Variants in PTDSS2 observed in about 807,000 individuals in gnomAD.
PTDSS2 encodes the protein PSS-2.
A neutral mutation model predicts 64.7 loss-of-function variants in PTDSS2; 41 were observed. The observed-to-expected ratio is 0.63, with a 90% CI of 0.49 to 0.82. PTDSS2 has a LOEUF of 0.82. Among genes scored for constraint, PTDSS2 ranks in the 40% least tolerant of loss-of-function variants. The pLI is 0.00. For missense variants in PTDSS2, 485 were observed against 650.0 expected (o/e 0.75, Z 2.76); for synonymous variants, 297 against 277.8 (o/e 1.07, Z -0.69).
At chr11:472,290 T>G (rs1197952105) in intron 2 of PTDSS2, among the ~76,000 whole-genome samples, 1 of 152,320 alleles carries the variant, frequency 6.6e-6, no homozygotes, top group African/African-American at 2.4e-5. Context: ...GTGGGGCCTA[T>G]GTCTGGCTCC....
rs917084238 is a variant in PTDSS2 at position 461,810 on chromosome 11, T to C, written c.284+1522T>C. Among the ~76,000 whole-genome samples, 1 of 151,980 alleles carries C rather than the reference T, an allele frequency of 6.6e-6. No individual in the cohort carries two copies. The highest frequency in any genetic ancestry group is 2.4e-5 in the African/African-American group (1 of 41,380). Reference sequence around the variant, plus strand: ...TGTGTAACTAGGCTCCAGAAATAGATGAGGGAGCATGTGCCGTGCCTGGGG... The same window carrying C: ...TGTGTAACTAGGCTCCAGAAATAGACGAGGGAGCATGTGCCGTGCCTGGGG... On this transcript the variant is annotated intron_variant, in intron 2 of 11. Transcript: ENST00000308020. The surrounding 1 kb of genome is among the most constrained non-coding windows in gnomAD (Gnocchi z 4.2).
At chr11:487,673 T>A (rs1848455451) in intron 6 of PTDSS2, among the ~76,000 whole-genome samples, 1 of 152,078 alleles carries the variant, frequency 6.6e-6, no homozygotes, top group Non-Finnish European at 1.5e-5. Flanking sequence ...CCCCGCTCCG[T>A]CCTCAGGGTC....
At chr11:486,350 C>G (rs536767713) in intron 4 of PTDSS2, among the ~76,000 whole-genome samples, 14 of 152,218 alleles carry the variant, frequency 9.2e-5, no homozygotes, top group African/African-American at 3.4e-4. Context: ...CCGCTCCCGT[C>G]TGTCCAGCGG....
chr11:480,497 C>T (rs540249001), intron 4 of PTDSS2: 138 of 157,940 alleles, frequency 8.7e-4, no homozygotes, highest in Non-Finnish European at 1.5e-3. Flanking sequence ...AGCCTCTTCC[C>T]GCCCTGCACA....
At chr11:488,398 C>T in intron 7 of PTDSS2, 86 bp downstream of exon 7, 1 of 1,339,950 alleles carries the variant, frequency 7.5e-7, no homozygotes, top group South Asian at 1.2e-5. Context: ...CCCCTGGACC[C>T]CCTCATTCTC....
intron 1 of PTDSS2, chr11:459,768 C>G (rs1487006868): frequency 1.0e-5 from 2 of 191,464 alleles, no homozygotes; most frequent in East Asian, 1.5e-4. Flanking sequence ...CTCTTGGTGT[C>G]TTGGGCTGCT....
At chr11:450,224 A>C (rs1482753480), upstream of PTDSS2, 1 of 366,426 alleles carries the variant, frequency 2.7e-6, no homozygotes, top group Non-Finnish European at 4.8e-6. Flanking sequence ...CACTGCGTCC[A>C]ACCCGCGACG....
At chr11:483,831 C>T (rs1848172302) in intron 4 of PTDSS2, among the ~76,000 whole-genome samples, 1 of 152,184 alleles carries the variant, frequency 6.6e-6, no homozygotes, top group African/African-American at 2.4e-5. Flanking sequence ...GACGTTTTCT[C>T]AGTATTTGTC....
rs946085838 is a variant in PTDSS2, at chr11:461,527, G to T, written c.284+1239G>T. On this transcript the variant is annotated intron_variant, in intron 2 of 11. Coordinates refer to ENST00000308020, the MANE Select transcript of PTDSS2 (RefSeq NM_030783.3). The surrounding 1 kb of genome is among the most constrained non-coding windows in gnomAD (Gnocchi z 4.2). ...CACCCTCCATCCTCACCTGGGAGGC[G>T]CAGGTGGCCTCTCCTGTCCTGGTCT... Among the ~76,000 whole-genome samples the T allele has an allele frequency of 2.0e-5, 3 of 152,104 alleles. No homozygotes were observed. The highest frequency in any genetic ancestry group is 4.4e-5 in the Non-Finnish European group (3 of 67,986).
intron 8 of PTDSS2, 81 bp from the exon 9 acceptor site, chr11:489,319 C>T (rs1367196557): frequency 2.4e-6 from 3 of 1,232,496 alleles, no homozygotes; most frequent in African/African-American, 3.0e-5. Flanking sequence ...GCCGGGTGAC[C>T]AGGAACAGTC....
intron 1 of PTDSS2, among the ~76,000 whole-genome samples, chr11:451,020 C>T (rs1478445795): frequency 1.3e-5 from 2 of 152,102 alleles, no homozygotes; most frequent in East Asian, 1.9e-4. Flanking sequence ...GTCCTGCTGT[C>T]GAAGCTTCAC....
intron 4 of PTDSS2, among the ~76,000 whole-genome samples, chr11:485,510 C>T (rs1187184831): frequency 2.2e-5 from 3 of 139,154 alleles, no homozygotes; most frequent in East Asian, 2.2e-4. Context: ...ACTGCACAGG[C>T]GCGTGTGCTC....
At chr11:487,545 A>C in intron 6 of PTDSS2, 75 bp downstream of exon 6, 1 of 1,402,252 alleles carries the variant, frequency 7.1e-7, no homozygotes, top group Non-Finnish European at 1.0e-6. Flanking sequence ...GTTTCTGTCC[A>C]TGGAGTTGAG....
chr11:480,622 G>C (rs981619525), intron 4 of PTDSS2: 1 of 153,704 alleles, frequency 6.5e-6, no homozygotes, highest in Non-Finnish European at 1.5e-5. Flanking sequence ...GCAGTGGTGT[G>C]ATCTCAGCTC....
chr11:473,856 C>G (rs1441826943), intron 2 of PTDSS2, 39 bp from the exon 3 acceptor site: 4 of 1,487,642 alleles, frequency 2.7e-6, no homozygotes, highest in Non-Finnish European at 3.8e-6. Flanking sequence ...CTGGGAGAAG[C>G]CTGCACACAC....
chr11:487,636 T>C (rs963293129), intron 6 of PTDSS2, among the ~76,000 whole-genome samples, 166 bp downstream of exon 6: 2 of 152,096 alleles, frequency 1.3e-5, no homozygotes, highest in African/African-American at 4.8e-5. Flanking sequence ...CTCCCGGACC[T>C]CCCAGAAGCC....
chr11:462,319 G>A lies in PTDSS2; in HGVS notation c.284+2031G>A, dbSNP rs796703251. On this transcript the variant is annotated intron_variant, in intron 2 of 11. Coordinates refer to ENST00000308020, the MANE Select transcript of PTDSS2 (RefSeq NM_030783.3). This position sits in a 1 kb window ranked among gnomAD's most constrained non-coding sequence, Gnocchi z 4.5. Reference sequence around the variant, plus strand: ...GCCTCTCCTGAGTGGCCCCCGACGTGAGAGGCTGGGTTCTGCCATCCTGTC... The same window carrying A: ...GCCTCTCCTGAGTGGCCCCCGACGTAAGAGGCTGGGTTCTGCCATCCTGTC... 3.2e-4 allele frequency among the ~76,000 whole-genome samples: 48 copies of A among 152,246 alleles called. No homozygotes were observed. Among genetic ancestry groups the A allele is most frequent in the African/African-American group, 1.0e-3 (43 of 41,558 alleles).
At chr11:481,197 G>T (rs907589611) in intron 4 of PTDSS2, among the ~76,000 whole-genome samples, 1 of 152,138 alleles carries the variant, frequency 6.6e-6, no homozygotes, top group East Asian at 1.9e-4. Context: ...AGTTTCTCAG[G>T]CCCCTTGTTT....
intron 2 of PTDSS2, among the ~76,000 whole-genome samples, chr11:472,357 G>A (rs950070786): frequency 2.6e-5 from 4 of 152,320 alleles, no homozygotes; most frequent in African/African-American, 4.8e-5. Context: ...GAGAGACCTC[G>A]GGAGGGGTAC....
Sources: gnomAD v4.1 joint callset for allele counts (sites outside exome capture counted in the v4.1 genomes callset) on GRCh38, gnomAD v4.1.1 for gene constraint, Gnocchi (gnomAD v3.1) non-coding constraint, MANE v1.5 for transcripts, NCBI Gene and HGNC (gene_info 2026-07-23, HGNC 2026-07-21) for gene names.